The following SLC14A2 variants were observed in gnomAD, a reference collection of about 807,000 sequenced individuals.
The protein encoded by SLC14A2 is solute carrier family 14 member 2.
In SLC14A2, 91 loss-of-function variants were observed where a neutral mutation model predicts 104.6. The ratio of observed to expected loss-of-function variants is 0.87; its 90% CI spans 0.73 to 1.04. SLC14A2 has a LOEUF of 1.04. SLC14A2 is among the 50% of genes least tolerant of loss of function. SLC14A2 has a pLI of 0.00. For synonymous variants in SLC14A2, 476 were observed against 466.4 expected, an observed-to-expected ratio of 1.02 and a Z score of -0.27; for missense variants, 1,189 against 1,156.0, an observed-to-expected ratio of 1.03 and a Z score of -0.41.
chr18:45,675,704 TATATA>T (rs1426193699), intron 18 of SLC14A2, among the ~76,000 whole-genome samples: 678 of 65,864 alleles, frequency 0.01, 3 homozygotes, highest in African/African-American at 0.035. Flanking sequence ...TATATATATA[TATATA>T]TTTTTTTTTT....
At chr18:45,235,807 GTGTGTGTA>G (rs1183295774) in intron 1 of SLC14A2, among the ~76,000 whole-genome samples, 9 of 122,096 alleles carry the variant, frequency 7.4e-5, no homozygotes, top group African/African-American at 2.4e-4. Flanking sequence ...GTGTGTGTGT[GTGTGTGTA>G]TATATATATA....
chr18:45,321,918 A>C (rs1356769038), intron 1 of SLC14A2, among the ~76,000 whole-genome samples: 1 of 152,146 alleles, frequency 6.6e-6, no homozygotes, highest in Non-Finnish European at 1.5e-5. Flanking sequence ...GTCATTGAAG[A>C]CTTGGGCAGT....
At chr18:45,640,468 C>G (rs2045505937) in intron 7 of SLC14A2, among the ~76,000 whole-genome samples, 1 of 152,098 alleles carries the variant, frequency 6.6e-6, no homozygotes, top group African/African-American at 2.4e-5. Context: ...AAATTGTTCT[C>G]AAACATTGGA....
At position 45,525,537 on chromosome 18, in the gene SLC14A2, C is replaced by A. The variant is rs545656525; in HGVS notation, c.-35+42215C>A. On this transcript the variant is annotated intron_variant, in intron 2 of 20. Coordinates refer to the SLC14A2 transcript ENST00000586448. The stretch of plus-strand genomic sequence containing the variant: ...TCCTTTGACTTGTTCTGAACATGTG[C>A]CAAAGCCCTTGGCCCAGACACAGAA... 3.3e-5 allele frequency among the ~76,000 whole-genome samples: 5 copies of A among 152,296 alleles called. No individual in the cohort carries two copies. The South Asian group carries it at 6.2e-4, about 19-fold the overall frequency.
chr18:45,584,865 C>A (rs2144369434), intron 2 of SLC14A2, among the ~76,000 whole-genome samples: 1 of 152,282 alleles, frequency 6.6e-6, no homozygotes, highest in East Asian at 1.9e-4. Context: ...ATGTTAAGTG[C>A]TGGAATCGGA....
At chr18:45,250,502 T>G (rs1396613431) in intron 1 of SLC14A2, among the ~76,000 whole-genome samples, 1 of 152,198 alleles carries the variant, frequency 6.6e-6, no homozygotes, top group Non-Finnish European at 1.5e-5. Flanking sequence ...GACTCTTGTT[T>G]TCTCTCTCAC....
At chr18:45,269,503 G>A (rs976923732) in intron 1 of SLC14A2, among the ~76,000 whole-genome samples, 1 of 151,812 alleles carries the variant, frequency 6.6e-6, no homozygotes, top group African/African-American at 2.4e-5. Context: ...CTGCCTGAGT[G>A]CCAGGGGTTA....
At chr18:45,399,772 T>C (rs1217995067) in intron 1 of SLC14A2, among the ~76,000 whole-genome samples, 1 of 152,130 alleles carries the variant, frequency 6.6e-6, no homozygotes, top group Non-Finnish European at 1.5e-5. Flanking sequence ...GAGATTACAT[T>C]TGGAGTTAAA....
chr18:45,512,529 C>G (rs949021292), intron 2 of SLC14A2, among the ~76,000 whole-genome samples: 1 of 152,102 alleles, frequency 6.6e-6, no homozygotes, highest in Admixed American at 6.5e-5. Flanking sequence ...CCTGGTCAGC[C>G]CTTGCTTACT....
chr18:45,480,646 A>G (rs1244069223), intron 1 of SLC14A2, among the ~76,000 whole-genome samples: 1 of 152,120 alleles, frequency 6.6e-6, no homozygotes, highest in East Asian at 1.9e-4. Context: ...ACCAGAGCAG[A>G]GCTCCCCTTA....
intron 2 of SLC14A2, among the ~76,000 whole-genome samples, chr18:45,596,767 A>G (rs1304782530): frequency 6.6e-6 from 1 of 152,200 alleles, no homozygotes; most frequent in Non-Finnish European, 1.5e-5. Flanking sequence ...ACAGATTATG[A>G]AACTTAATAC....
At chr18:45,413,399 TGAG>T (rs1380591881) in intron 1 of SLC14A2, among the ~76,000 whole-genome samples, 1 of 152,174 alleles carries the variant, frequency 6.6e-6, no homozygotes, top group Non-Finnish European at 1.5e-5. Flanking sequence ...TGCAATATGA[TGAG>T]GAGGCCAATG....
chr18:45,606,048 C>T (rs1599055928), intron 2 of SLC14A2, among the ~76,000 whole-genome samples: 1 of 152,204 alleles, frequency 6.6e-6, no homozygotes, highest in Non-Finnish European at 1.5e-5. Context: ...TAATAAAAAC[C>T]ATAACCCATC....
upstream of SLC14A2, among the ~76,000 whole-genome samples, chr18:45,209,004 G>C (rs2083937930): frequency 6.7e-6 from 1 of 148,448 alleles, no homozygotes; most frequent in Admixed American, 6.8e-5. Flanking sequence ...GAATGCTGGT[G>C]CCTCTGGAAA....
Position 45,669,389 on chromosome 18 carries a change from C to A in SLC14A2, c.2120C>A (p.Thr707Asn), listed in dbSNP as rs768717808. 1.9e-6 allele frequency: 3 copies of A among 1,613,798 alleles called. No homozygotes were observed. The South Asian group carries it at 3.3e-5, about 18-fold the overall frequency. The stretch of plus-strand genomic sequence containing the variant: ...ACACTGCCCTTCAATATCACTGTGA[C>A]TTTGTACCTGGCAGCCACGGGCCAC... ...VFTLPFNITV[T>N]LYLAATGHYN... The change falls in exon 16 of 20, where the codon ACT (threonine) becomes AAT (asparagine). Residue 707 changes from threonine (T) to asparagine (N), a missense_variant. Coordinates refer to ENST00000255226, the MANE Select transcript of SLC14A2 (RefSeq NM_007163.4).
chr18:45,343,231 G>A (rs2085414566), intron 1 of SLC14A2, among the ~76,000 whole-genome samples: 2 of 149,378 alleles, frequency 1.3e-5, no homozygotes, highest in Non-Finnish European at 3.0e-5. Flanking sequence ...ATTGAAGGTT[G>A]CATTGTGTCT....
At chr18:45,351,308 A>AT (rs34696141) in intron 1 of SLC14A2, among the ~76,000 whole-genome samples, 2,844 of 151,868 alleles carry the variant, frequency 0.019, 52 homozygotes, top group Middle Eastern at 0.027. Flanking sequence ...AAATAGCCTC[A>AT]TTTTTTTCCC....
chr18:45,284,398 T>A (rs938456500), intron 1 of SLC14A2, among the ~76,000 whole-genome samples: 2 of 152,158 alleles, frequency 1.3e-5, no homozygotes, highest in East Asian at 3.8e-4. Flanking sequence ...GGAAGTAGTA[T>A]GTTTCTCCCC....
At chr18:45,430,748 T>G (rs1301613409) in intron 1 of SLC14A2, among the ~76,000 whole-genome samples, 1 of 151,938 alleles carries the variant, frequency 6.6e-6, no homozygotes, top group Non-Finnish European at 1.5e-5. Context: ...GCTAATTGTT[T>G]TTTGTATTTT....
Sources: gnomAD v4.1 joint callset for allele counts (sites outside exome capture counted in the v4.1 genomes callset) on GRCh38, gnomAD v4.1.1 for gene constraint, MANE v1.5 for transcripts, NCBI Gene and HGNC (gene_info 2026-07-23, HGNC 2026-07-21) for gene names.